PRKN: variants seen among roughly 807,000 people sequenced by gnomAD.
PRKN encodes E3 ubiquitin-protein ligase parkin.
A neutral mutation model predicts 59.5 loss-of-function variants in PRKN; 56 were observed. The ratio of observed to expected loss-of-function variants is 0.94; its 90% CI spans 0.76 to 1.18. The LOEUF is 1.18. Among genes scored for constraint, PRKN ranks in the 50% most tolerant of loss-of-function variants. The probability of loss-of-function intolerance (pLI) is 0.00; values close to 1 mark genes in which losing one functional copy is unlikely to be tolerated. For synonymous variants in PRKN, 250 were observed against 222.1 expected, an observed-to-expected ratio of 1.13 and a Z score of -1.12; for missense variants, 657 against 596.4, an observed-to-expected ratio of 1.10 and a Z score of -1.06.
At chr6:162,090,015 G>A (rs1217170958) in intron 4 of PRKN, among the ~76,000 whole-genome samples, 4 of 152,136 alleles carry the variant, frequency 2.6e-5, no homozygotes, top group Non-Finnish European at 4.4e-5. Flanking sequence ...AACTGTACAC[G>A]TAAAGATGGT....
intron 2 of PRKN, among the ~76,000 whole-genome samples, chr6:162,328,555 C>T (rs1012402402): frequency 1.3e-5 from 2 of 152,064 alleles, no homozygotes; most frequent in Middle Eastern, 3.2e-3. Context: ...TCCCTATCTA[C>T]GGGAGAAAAG....
intron 2 of PRKN, among the ~76,000 whole-genome samples, chr6:162,384,913 T>G (rs1027843144): frequency 2.6e-5 from 4 of 152,136 alleles, no homozygotes; most frequent in Admixed American, 2.0e-4. Flanking sequence ...GTCTTTATTT[T>G]CACTAAAATA....
At chr6:161,922,283 T>C (rs1778812625) in intron 6 of PRKN, among the ~76,000 whole-genome samples, 2 of 152,178 alleles carry the variant, frequency 1.3e-5, no homozygotes, top group South Asian at 4.1e-4. Context: ...TTACGTCTTA[T>C]GGTTTTGAAA....
At chr6:161,910,396 A>G (rs191912806) in intron 6 of PRKN, among the ~76,000 whole-genome samples, 17 of 152,028 alleles carry the variant, frequency 1.1e-4, no homozygotes, top group African/African-American at 4.1e-4. Flanking sequence ...CTGGGATTAC[A>G]GGCACCTGCT....
chr6:161,528,028 A>AGAT (rs1348054501), intron 9 of PRKN, among the ~76,000 whole-genome samples: 1 of 152,206 alleles, frequency 6.6e-6, no homozygotes, highest in Non-Finnish European at 1.5e-5. Flanking sequence ...AAGACAGAAA[A>AGAT]GATAGAAATC....
chr6:162,113,962 T>G (rs1388270735), intron 4 of PRKN, among the ~76,000 whole-genome samples: 7 of 151,160 alleles, frequency 4.6e-5, no homozygotes, highest in African/African-American at 7.3e-5. Flanking sequence ...CACCATTTAT[T>G]AAATAGGGAA....
rs917269943 is a variant in PRKN, at chr6:162,711,702, T to C, written c.7+15960A>G. Among the ~76,000 whole-genome samples, 7 of 152,314 alleles carry C rather than the reference T, an allele frequency of 4.6e-5. No homozygotes were observed. In the South Asian group the frequency reaches 1.5e-3, roughly 32 times the overall value. ...CAGTGTAATGCTGATTCCAATCAAG[T>C]GTAGCAACAAATTCCAAACTAGAGT... On this transcript the variant is annotated intron_variant, in intron 1 of 11. Coordinates refer to ENST00000366898, the MANE Select transcript of PRKN (RefSeq NM_004562.3).
At chr6:162,338,028 C>T (rs1384832114) in intron 2 of PRKN, among the ~76,000 whole-genome samples, 4 of 151,832 alleles carry the variant, frequency 2.6e-5, no homozygotes, top group South Asian at 2.1e-4. Context: ...ATTAACTTTC[C>T]GATAAGTTTG....
intron 2 of PRKN, among the ~76,000 whole-genome samples, chr6:162,385,617 C>T (rs1422434619): frequency 6.6e-6 from 1 of 152,044 alleles, no homozygotes; most frequent in Non-Finnish European, 1.5e-5. Context: ...TCCCGCTCTC[C>T]TTTCTCATCT....
intron 2 of PRKN, among the ~76,000 whole-genome samples, chr6:162,370,271 G>C (rs1562708081): frequency 1.3e-5 from 2 of 152,014 alleles, no homozygotes; most frequent in Non-Finnish European, 2.9e-5. Flanking sequence ...TTTGGATGTT[G>C]CCTCTCATGG....
chr6:161,353,700 A>G lies in PRKN; in HGVS notation c.1286-3489T>C, dbSNP rs1784648467. ...TGTGAGCCACTGTAGCAAATAACAG[A>G]ACCCAAAGAGGGAGTCATGGGAATC... On this transcript the variant is annotated intron_variant, in intron 11 of 11. Coordinates refer to ENST00000366898, the MANE Select transcript of PRKN (RefSeq NM_004562.3). This position sits in a 1 kb window ranked among gnomAD's most constrained non-coding sequence, Gnocchi z 4.8. Among the ~76,000 whole-genome samples the G allele has an allele frequency of 6.6e-6, 1 of 152,230 alleles. No individual in the cohort carries two copies. The highest frequency in any genetic ancestry group is 1.5e-5 in the Non-Finnish European group (1 of 68,048).
intron 7 of PRKN, among the ~76,000 whole-genome samples, chr6:161,594,526 A>C (rs1024077626): frequency 6.6e-6 from 1 of 152,190 alleles, no homozygotes; most frequent in Non-Finnish European, 1.5e-5. Context: ...AGGACACAAT[A>C]ATATATTTTC....
At chr6:162,310,214 T>C (rs2128117545) in intron 2 of PRKN, among the ~76,000 whole-genome samples, 1 of 152,276 alleles carries the variant, frequency 6.6e-6, no homozygotes, top group South Asian at 2.1e-4. Context: ...ACTTCCCTCA[T>C]GTCACATGTC....
At chr6:161,648,605 T>C (rs2128160759) in intron 7 of PRKN, among the ~76,000 whole-genome samples, 1 of 152,366 alleles carries the variant, frequency 6.6e-6, no homozygotes, top group South Asian at 2.1e-4. Context: ...TCACCTCCTC[T>C]CCAGTTTTCT....
At chr6:162,439,257 TA>T (rs1223869737) in intron 2 of PRKN, among the ~76,000 whole-genome samples, 1 of 152,032 alleles carries the variant, frequency 6.6e-6, no homozygotes, top group East Asian at 1.9e-4. Flanking sequence ...GTCCTCTGGA[TA>T]AAAAACAGGC....
intron 6 of PRKN, among the ~76,000 whole-genome samples, chr6:161,831,034 T>C (rs1792477046): frequency 6.6e-6 from 1 of 152,174 alleles, no homozygotes; most frequent in Admixed American, 6.5e-5. Flanking sequence ...CCAGATCCCT[T>C]TTTATCAACA....
Position 161,512,432 on chromosome 6 carries a change from A to T in PRKN, c.1083+36422T>A, listed in dbSNP as rs1415302675. 1.3e-5 allele frequency among the ~76,000 whole-genome samples: 2 copies of T among 152,216 alleles called. 1 individual carries two copies. Among genetic ancestry groups the T allele is most frequent in the East Asian group, 3.8e-4 (2 of 5,196 alleles). On this transcript the variant is annotated intron_variant, in intron 9 of 11. Transcript: ENST00000366898. ...ATGAAGTGTATTGCTATTGTAAGTA[A>T]ATTCATGCGGAGAAGTATTGAACAA...
chr6:161,559,568 G>A (rs1021131096), intron 8 of PRKN, among the ~76,000 whole-genome samples: 1 of 152,170 alleles, frequency 6.6e-6, no homozygotes, highest in South Asian at 2.1e-4. Flanking sequence ...TGGGGCACAG[G>A]TCACTGCCAC....
chr6:161,876,397 G>A (rs866086689), intron 6 of PRKN, among the ~76,000 whole-genome samples: 7 of 152,044 alleles, frequency 4.6e-5, no homozygotes, highest in Non-Finnish European at 5.9e-5. Context: ...CTGAAGCCTC[G>A]ACCTTCTGGG....
Sources: gnomAD v4.1 joint callset for allele counts (sites outside exome capture counted in the v4.1 genomes callset) on GRCh38, gnomAD v4.1.1 for gene constraint, Gnocchi (gnomAD v3.1) non-coding constraint, MANE v1.5 for transcripts, NCBI Gene and HGNC (gene_info 2026-07-23, HGNC 2026-07-21) for gene names.